The following SH3GL2 variants were observed in gnomAD, a reference collection of about 807,000 sequenced individuals.
The protein encoded by SH3GL2 is SH3 domain containing GRB2 like 2, endophilin A1.
In SH3GL2, 24 loss-of-function variants were observed where a neutral mutation model predicts 46.0. That is an observed-to-expected ratio of 0.52 (90% confidence interval 0.38 to 0.73). SH3GL2 has a LOEUF of 0.73. Ranked by LOEUF, SH3GL2 falls within the 30% of genes least tolerant of loss-of-function variation. The pLI is 0.00. For synonymous variants in SH3GL2, 196 were observed against 147.1 expected (o/e 1.33, Z -2.40); for missense variants, 413 against 424.2 (o/e 0.97, Z 0.23).
chr9:17,675,125 T>C (rs2117992867), intron 1 of SH3GL2, among the ~76,000 whole-genome samples: 1 of 152,344 alleles, frequency 6.6e-6, no homozygotes, highest in Non-Finnish European at 1.5e-5. Context: ...TATTTCTTTG[T>C]GGTAGTCATC....
rs575978417 is a variant in SH3GL2 at position 17,732,023 on chromosome 9, A to T, written c.46-15043A>T. 2.0e-5 allele frequency among the ~76,000 whole-genome samples: 3 copies of T among 152,190 alleles called. No homozygotes were observed. In the East Asian group the frequency reaches 5.8e-4, roughly 29 times the overall value. ...GAGATACTGTGATAGGGAAACAAGC[A>T]TATAAAAAAGGCAACACATTTGACT... On this transcript the variant is annotated intron_variant, in intron 1 of 8. Coordinates refer to ENST00000380607, the MANE Select transcript of SH3GL2 (RefSeq NM_003026.5).
intron 1 of SH3GL2, among the ~76,000 whole-genome samples, chr9:17,648,862 C>T (rs1446857938): frequency 1.3e-5 from 2 of 152,068 alleles, no homozygotes; most frequent in African/African-American, 4.8e-5. Flanking sequence ...ATCTGGCAAC[C>T]TAGAAACAAA....
chr9:17,687,770 C>A (rs1445227143), intron 1 of SH3GL2, among the ~76,000 whole-genome samples: 2 of 151,926 alleles, frequency 1.3e-5, no homozygotes, highest in East Asian at 3.9e-4. Context: ...ACTTGTTAAA[C>A]CAGAGAGAAA....
chr9:17,641,177 T>C (rs574119586), intron 1 of SH3GL2, among the ~76,000 whole-genome samples: 1 of 152,186 alleles, frequency 6.6e-6, no homozygotes, highest in Admixed American at 6.5e-5. Context: ...TTGAGTTGAA[T>C]ATTATAGTTT....
intron 1 of SH3GL2, among the ~76,000 whole-genome samples, chr9:17,599,419 A>C (rs1229928902): frequency 6.6e-6 from 1 of 152,204 alleles, no homozygotes; most frequent in South Asian, 2.1e-4. Flanking sequence ...TACAGTGCCA[A>C]ATGGCACTGT....
intron 1 of SH3GL2, among the ~76,000 whole-genome samples, chr9:17,653,575 T>C (rs942234740): frequency 6.6e-6 from 1 of 152,176 alleles, no homozygotes; most frequent in Non-Finnish European, 1.5e-5. Flanking sequence ...TCTGGAGTTA[T>C]TACCTGCTTC....
At chr9:17,727,510 CT>C (rs1223197008) in intron 1 of SH3GL2, among the ~76,000 whole-genome samples, 4 of 152,156 alleles carry the variant, frequency 2.6e-5, no homozygotes, top group African/African-American at 9.7e-5. Flanking sequence ...CCTCCATGCC[CT>C]CCAGCCCAAG....
chr9:17,784,317 C>G (rs757239945), intron 3 of SH3GL2, among the ~76,000 whole-genome samples: 1 of 152,112 alleles, frequency 6.6e-6, no homozygotes, highest in Non-Finnish European at 1.5e-5. Context: ...TACCTGGAGA[C>G]AGCCCTTAAT....
intron 1 of SH3GL2, among the ~76,000 whole-genome samples, chr9:17,628,665 A>AT (rs199586932): frequency 2.5e-3 from 377 of 151,398 alleles, no homozygotes; most frequent in Admixed American, 4.1e-3. Flanking sequence ...TTATTTATTC[A>AT]TTTTTTTTAA....
chr9:17,735,134 C>A (rs954921371), intron 1 of SH3GL2, among the ~76,000 whole-genome samples: 17 of 152,022 alleles, frequency 1.1e-4, no homozygotes, highest in Non-Finnish European at 2.4e-4. Context: ...TCTAAATATT[C>A]CTCTGTCTCT....
intron 5 of SH3GL2, among the ~76,000 whole-genome samples, chr9:17,788,241 A>T (rs913385652): frequency 3.3e-5 from 5 of 152,130 alleles, no homozygotes; most frequent in Non-Finnish European, 7.3e-5. Context: ...GCTCAAGATT[A>T]TAGAGTTAGT....
intron 1 of SH3GL2, among the ~76,000 whole-genome samples, chr9:17,670,280 T>C (rs142331171): frequency 1.5e-4 from 23 of 152,306 alleles, no homozygotes; most frequent in African/African-American, 5.5e-4. Context: ...ATGTTTGCAG[T>C]CTGATCTTCC....
intron 1 of SH3GL2, among the ~76,000 whole-genome samples, chr9:17,666,411 A>G (rs1368421078): frequency 6.6e-6 from 1 of 151,954 alleles, no homozygotes; most frequent in Non-Finnish European, 1.5e-5. Context: ...CTGTTTATGC[A>G]GCTCCCACCC....
At chr9:17,664,585 T>G (rs10122161) in intron 1 of SH3GL2, among the ~76,000 whole-genome samples, 1 of 152,012 alleles carries the variant, frequency 6.6e-6, no homozygotes, top group Non-Finnish European at 1.5e-5. Context: ...TATCAAACTT[T>G]TGAAAAACAA....
chr9:17,693,235 A>T lies in SH3GL2; in HGVS notation c.46-53831A>T, dbSNP rs539795669. On this transcript the variant is annotated intron_variant, in intron 1 of 8. Transcript: ENST00000380607. ...TGAGCAGAAAACGTTATGTTTGGACACATGGATCAGGGTCCTCCTTTTGAG... is the reference window on the plus strand; with the variant it reads ...TGAGCAGAAAACGTTATGTTTGGACTCATGGATCAGGGTCCTCCTTTTGAG... Among the ~76,000 whole-genome samples, 7 of 152,300 alleles carry T rather than the reference A, an allele frequency of 4.6e-5. No individual in the cohort carries two copies. In the South Asian group the frequency reaches 1.4e-3, roughly 32 times the overall value.
chr9:17,601,587 C>A (rs1480984994), intron 1 of SH3GL2, among the ~76,000 whole-genome samples: 1 of 152,106 alleles, frequency 6.6e-6, no homozygotes, highest in Non-Finnish European at 1.5e-5. Flanking sequence ...AATCATCTTC[C>A]CATGTAAGCT....
intron 2 of SH3GL2, among the ~76,000 whole-genome samples, chr9:17,758,422 C>A (rs1463548922): frequency 1.3e-5 from 2 of 151,616 alleles, no homozygotes; most frequent in Admixed American, 1.3e-4. Flanking sequence ...ATTAGCCAGG[C>A]ATGGTGGTGC....
chr9:17,668,734 G>A (rs1227924660), intron 1 of SH3GL2, among the ~76,000 whole-genome samples: 1 of 152,088 alleles, frequency 6.6e-6, no homozygotes, highest in Non-Finnish European at 1.5e-5. Flanking sequence ...GTAGCTCACT[G>A]CAACCTCAAA....
intron 1 of SH3GL2, among the ~76,000 whole-genome samples, chr9:17,679,514 TAAG>T (rs563641321): frequency 0.01 from 1,556 of 152,292 alleles, 17 homozygotes; most frequent in Middle Eastern, 0.024. Flanking sequence ...CTTATCAGCT[TAAG>T]GAGATTTTGG....
Sources: gnomAD v4.1 joint callset for allele counts (sites outside exome capture counted in the v4.1 genomes callset) on GRCh38, gnomAD v4.1.1 for gene constraint, MANE v1.5 for transcripts, NCBI Gene and HGNC (gene_info 2026-07-23, HGNC 2026-07-21) for gene names.